UGT1A9: variants seen among roughly 807,000 people sequenced by gnomAD.
The protein encoded by UGT1A9 is UDP-glucuronosyltransferase 1A9.
In UGT1A9, 35 loss-of-function variants were observed where a neutral mutation model predicts 45.0. The ratio of observed to expected loss-of-function variants is 0.78; its 90% confidence interval spans 0.59 to 1.03. The LOEUF is 1.03. Ranked by LOEUF, UGT1A9 falls within the 50% of genes least tolerant of loss-of-function variation. The pLI, the probability that UGT1A9 is intolerant of heterozygous loss-of-function variation, is 0.00. For missense variants in UGT1A9, 687 were observed against 666.6 expected (o/e 1.03, Z -0.34); for synonymous variants, 278 against 250.6 (o/e 1.11, Z -1.03).
chr2:233,713,117 CA>C (rs1395487296), intron 1 of UGT1A9: 4 of 1,614,102 alleles, frequency 2.5e-6, no homozygotes, highest in Non-Finnish European at 3.4e-6. Context: ...GCCACTGGCT[CA>C]GCATGCGGGA....
intron 1 of UGT1A9, among the ~76,000 whole-genome samples, chr2:233,725,192 A>C (rs1239126007): frequency 1.2e-5 from 1 of 85,448 alleles, no homozygotes; most frequent in African/African-American, 8.6e-5. Flanking sequence ...AGGCAGAGGC[A>C]GAGGCAGAGG....
intron 1 of UGT1A9, among the ~76,000 whole-genome samples, chr2:233,734,727 CG>C (rs2078556253): frequency 6.6e-6 from 1 of 150,514 alleles, no homozygotes; most frequent in East Asian, 2.0e-4. Context: ...TTGTTCTCGT[CG>C]GTTTCAAAGA....
At chr2:233,683,873 C>T (rs1312506448) in intron 1 of UGT1A9, among the ~76,000 whole-genome samples, 2 of 152,028 alleles carry the variant, frequency 1.3e-5, no homozygotes, top group East Asian at 1.9e-4. Context: ...CAAATTATTC[C>T]CTCCCCTGGT....
intron 1 of UGT1A9, among the ~76,000 whole-genome samples, chr2:233,684,787 A>G (rs558954274): frequency 8.5e-5 from 13 of 152,314 alleles, no homozygotes; most frequent in Non-Finnish European, 8.8e-5. Context: ...TTTGGCAAAG[A>G]GCCCTGGATA....
At chr2:233,691,284 A>C in intron 1 of UGT1A9, 1 of 985,524 alleles carries the variant, frequency 1.0e-6, no homozygotes, top group African/African-American at 1.7e-5. Context: ...GACTTTGATC[A>C]TTGTAAGCTG....
chr2:233,683,225 TC>T lies in UGT1A9; in HGVS notation c.855+10437del, dbSNP rs2074623966. On this transcript the variant is annotated intron_variant, in intron 1 of 4. Coordinates refer to ENST00000354728, the MANE Select transcript of UGT1A9 (RefSeq NM_021027.3). ...TCACTTCTATTTTATCAATATAAAATCTACTATCATGCTGGCTATGTTTTTT... is the reference window on the plus strand; with the variant it reads ...TCACTTCTATTTTATCAATATAAAATTACTATCATGCTGGCTATGTTTTTT... Among the ~76,000 whole-genome samples, 3 of 152,174 alleles carry T rather than the reference TC, an allele frequency of 2.0e-5. No homozygotes were observed. In the South Asian group the frequency reaches 6.2e-4, roughly 31 times the overall value.
chr2:233,760,521 G>T, intron 1 of UGT1A9: 1 of 1,614,238 alleles, frequency 6.2e-7, no homozygotes, highest in South Asian at 1.1e-5. Context: ...CCTTGAAGAC[G>T]TACCCTGTGC....
At chr2:233,763,328 G>T (rs1698281248) in intron 1 of UGT1A9, among the ~76,000 whole-genome samples, 1 of 152,072 alleles carries the variant, frequency 6.6e-6, no homozygotes, top group African/African-American at 2.4e-5. Context: ...TATTATTTTT[G>T]TTTACATTTC....
At chr2:233,733,232 T>G (rs2078369792) in intron 1 of UGT1A9, among the ~76,000 whole-genome samples, 1 of 152,224 alleles carries the variant, frequency 6.6e-6, no homozygotes, top group Non-Finnish European at 1.5e-5. Flanking sequence ...GTTTTCTAAA[T>G]ATACAATCAT....
intron 1 of UGT1A9, among the ~76,000 whole-genome samples, chr2:233,731,993 G>T (rs913496587): frequency 6.6e-6 from 1 of 152,180 alleles, no homozygotes; most frequent in African/African-American, 2.4e-5. Context: ...GGCGTGAGAT[G>T]GTATCTCATT....
intron 1 of UGT1A9, among the ~76,000 whole-genome samples, chr2:233,699,275 C>A (rs558468809): frequency 6.6e-6 from 1 of 152,208 alleles, no homozygotes; most frequent in East Asian, 1.9e-4. Flanking sequence ...GGCTTGAATC[C>A]AGGCCAGATG....
At chr2:233,733,420 A>C (rs1380282532) in intron 1 of UGT1A9, among the ~76,000 whole-genome samples, 1 of 152,116 alleles carries the variant, frequency 6.6e-6, no homozygotes, top group African/African-American at 2.4e-5. Context: ...GTTTTCGCCT[A>C]CTCAGTATGA....
At chr2:233,754,443 A>G (rs925752742) in intron 1 of UGT1A9, 4 of 350,446 alleles carry the variant, frequency 1.1e-5, no homozygotes, top group Admixed American at 3.9e-5. Context: ...GTGTTTATAA[A>G]TTCTTGGGTA....
At chr2:233,764,941 C>T (rs937605699) in intron 1 of UGT1A9, among the ~76,000 whole-genome samples, 2 of 152,052 alleles carry the variant, frequency 1.3e-5, no homozygotes, top group Admixed American at 6.5e-5. Flanking sequence ...GTGAGAGTGG[C>T]GGGGAGAGAG....
intron 1 of UGT1A9, among the ~76,000 whole-genome samples, chr2:233,710,328 A>G (rs1227895445): frequency 6.6e-6 from 1 of 152,222 alleles, no homozygotes; most frequent in Non-Finnish European, 1.5e-5. Context: ...ATGACTTCAT[A>G]AGAAACAGTC....
chr2:233,708,724 C>T (rs1198827860), intron 1 of UGT1A9: 1 of 152,188 alleles, frequency 6.6e-6, no homozygotes, highest in Non-Finnish European at 1.5e-5. Flanking sequence ...GCACCTCAGC[C>T]TGGGCAACAG....
At chr2:233,702,425 T>G (rs1292144360) in intron 1 of UGT1A9, among the ~76,000 whole-genome samples, 1 of 152,216 alleles carries the variant, frequency 6.6e-6, no homozygotes, top group East Asian at 1.9e-4. Flanking sequence ...GCGTTACTTC[T>G]TCCTTTCTAA....
At chr2:233,747,527 T>G (rs1237082221) in intron 1 of UGT1A9, 2 of 1,605,936 alleles carry the variant, frequency 1.2e-6, no homozygotes, top group African/African-American at 1.3e-5. Context: ...AAACAGAACA[T>G]TTTCTGAAGA....
At position 233,767,069 on chromosome 2, in the gene UGT1A9, T is replaced by C. The variant is rs778321344; in HGVS notation, c.891T>C (p.His297=). 42 of 1,614,040 alleles carry C rather than the reference T, an allele frequency of 2.6e-5. No homozygotes were observed. The highest frequency in any genetic ancestry group is 3.4e-5 in the Non-Finnish European group (40 of 1,180,020). The change falls in exon 2 of 5, where the codon CAT becomes CAC. Residue 297 remains histidine, a synonymous_variant. Transcript: ENST00000354728. ...CCTACATTAATGCTTCTGGAGAACA[T>C]GGAATTGTGGTTTTCTCTTTGGGAT... is the stretch of plus-strand genomic sequence containing the variant. ...FEAYINASGE[H]GIVVFSLGSM...
Sources: gnomAD v4.1 joint callset for allele counts (sites outside exome capture counted in the v4.1 genomes callset) on GRCh38, gnomAD v4.1.1 for gene constraint, MANE v1.5 for transcripts, NCBI Gene and HGNC (gene_info 2026-07-23, HGNC 2026-07-21) for gene names.